Variants in COL22A1 observed in about 807,000 individuals in gnomAD.
COL22A1 encodes the protein collagen type XXII alpha 1 chain, also known as collagen alpha-1(XXII) chain.
In COL22A1, 221 loss-of-function variants were observed where a neutral mutation model predicts 248.9. That is an observed-to-expected ratio of 0.89 (90% CI 0.80 to 0.99). The LOEUF (loss-of-function observed/expected upper bound fraction) is 0.99, where lower values mean the gene tolerates loss of function less well. COL22A1 is among the 50% of genes least tolerant of loss of function. COL22A1 has a pLI of 0.00. For missense variants in COL22A1, 2,240 were observed against 2,179.0 expected, an observed-to-expected ratio of 1.03 and a Z score of -0.56; for synonymous variants, 891 against 793.4, an observed-to-expected ratio of 1.12 and a Z score of -2.07.
rs370249392 is a variant in COL22A1 at position 138,804,311 on chromosome 8, GACC to G, written c.1495-1380_1495-1378del. Among the ~76,000 whole-genome samples the G allele has an allele frequency of 3.5e-3, 537 of 152,264 alleles. 7 individuals are homozygous for G. Among genetic ancestry groups the G allele is most frequent in the African/African-American group, 0.012 (496 of 41,558 alleles). On this transcript the variant is annotated intron_variant, in intron 10 of 64. Coordinates refer to ENST00000303045, the MANE Select transcript of COL22A1 (RefSeq NM_152888.3). ...GACAATGTGACGGATGACACTATAG[GACC>G]ACGATTGCAAGTGAGCTCTGCAGGA...
At chr8:138,623,260 T>A (rs113115877) in intron 52 of COL22A1, among the ~76,000 whole-genome samples, 641 of 52,412 alleles carry the variant, frequency 0.012, 4 homozygotes, top group South Asian at 0.1. Flanking sequence ...ATATATATAT[T>A]TATGTGTGTG....
intron 39 of COL22A1, among the ~76,000 whole-genome samples, chr8:138,682,161 C>T (rs1003614480): frequency 2.0e-5 from 3 of 152,148 alleles, no homozygotes; most frequent in African/African-American, 4.8e-5. Context: ...GGGGAAAAAA[C>T]ATCTCCTACT....
intron 16 of COL22A1, among the ~76,000 whole-genome samples, chr8:138,772,119 G>A (rs778082113): frequency 3.9e-5 from 6 of 152,014 alleles, no homozygotes; most frequent in Non-Finnish European, 5.9e-5. Flanking sequence ...CCCGCACATC[G>A]CCAAAAAGTC....
Position 138,633,951 on chromosome 8 carries a change from G to A in COL22A1, c.3609+1059C>T, listed in dbSNP as rs118107516. Reference sequence around the variant, plus strand: ...TAATATTAACATCAAAGGCGCTTGGGAGGAAAATGTGTTGAATATTAAAGA... The same window carrying A: ...TAATATTAACATCAAAGGCGCTTGGAAGGAAAATGTGTTGAATATTAAAGA... On this transcript the variant is annotated intron_variant, in intron 49 of 64. Coordinates refer to ENST00000303045, the MANE Select transcript of COL22A1 (RefSeq NM_152888.3). 5.1e-3 allele frequency among the ~76,000 whole-genome samples: 773 copies of A among 152,306 alleles called. 4 individuals carry two copies. The highest frequency in any genetic ancestry group is 7.9e-3 in the Non-Finnish European group (536 of 68,024).
At chr8:138,749,615 T>C (rs1233498985) in intron 22 of COL22A1, among the ~76,000 whole-genome samples, 1 of 152,214 alleles carries the variant, frequency 6.6e-6, no homozygotes, top group East Asian at 1.9e-4. Flanking sequence ...CTGAGCACTT[T>C]TTCTCCTAAC....
At chr8:138,876,928 GA>G (rs1823759288) in intron 3 of COL22A1, among the ~76,000 whole-genome samples, 1 of 152,262 alleles carries the variant, frequency 6.6e-6, no homozygotes, top group Non-Finnish European at 1.5e-5. Flanking sequence ...TGTGACTGGA[GA>G]AGGACAAATG....
intron 51 of COL22A1, among the ~76,000 whole-genome samples, chr8:138,625,326 C>CA (rs969986042): frequency 6.0e-5 from 9 of 149,848 alleles, no homozygotes; most frequent in African/African-American, 1.2e-4. Flanking sequence ...TTCTGGGAAT[C>CA]AAAAAAAAAT....
Position 138,857,880 on chromosome 8 carries a change from C to A in COL22A1, c.659-13722G>T, listed in dbSNP as rs73720632. Among the ~76,000 whole-genome samples, 1,465 of 152,304 alleles carry A rather than the reference C, an allele frequency of 9.6e-3. 22 individuals are homozygous for A. The highest frequency in any genetic ancestry group is 0.033 in the African/African-American group (1,368 of 41,568). ...TCCTCCCCGGGCACTTGGCCCAGTG[C>A]CTCCTTCCCATAAACCCAAACCCAT... On this transcript the variant is annotated intron_variant, in intron 3 of 64. Coordinates refer to ENST00000303045, the MANE Select transcript of COL22A1 (RefSeq NM_152888.3).
chr8:138,838,713 G>C (rs1820628324), intron 4 of COL22A1, among the ~76,000 whole-genome samples: 1 of 152,014 alleles, frequency 6.6e-6, no homozygotes, highest in Non-Finnish European at 1.5e-5. Context: ...ATAAGGGCTG[G>C]GAAGGAGAAT....
At chr8:138,750,241 C>A (rs1188508682) in intron 22 of COL22A1, among the ~76,000 whole-genome samples, 1 of 152,186 alleles carries the variant, frequency 6.6e-6, no homozygotes, top group Non-Finnish European at 1.5e-5. Flanking sequence ...TTATTAGCAG[C>A]GTGAGAACAG....
rs766709365 is a variant in COL22A1 at position 138,877,940 on chromosome 8, G to C, written c.468C>G (p.Asp156Glu). ...AILLTDGRSQ[D>E]LVLDAAAAAH... Reference sequence around the variant, plus strand: ...CTGCCGCCGCGGCGTCCAGCACCAGGTCCTGGCTGCGGCCGTCGGTGAGCA... The same window carrying C: ...CTGCCGCCGCGGCGTCCAGCACCAGCTCCTGGCTGCGGCCGTCGGTGAGCA... Residue 156 changes from aspartate (D) to glutamate (E), a missense_variant, in exon 3 of 65, where the codon GAC becomes GAG. Asp to Glu is a conservative substitution (Grantham distance 45). Coordinates refer to ENST00000303045, the MANE Select transcript of COL22A1 (RefSeq NM_152888.3). 18 of 1,603,014 alleles carry C rather than the reference G, an allele frequency of 1.1e-5. No individual in the cohort carries two copies. Among genetic ancestry groups the C allele is most frequent in the Admixed American group, 1.7e-5 (1 of 58,972 alleles).
rs1334480163 is a variant in COL22A1, at chr8:138,592,761, C to T, written c.4615+1256G>A. On this transcript the variant is annotated intron_variant, in intron 63 of 64. Transcript: ENST00000303045. ...GGTCGGACAGGAGTGAATTATGGGG[C>T]TGGTCTCCTGTCTTTTATCTTTATT... 3.9e-5 allele frequency among the ~76,000 whole-genome samples: 6 copies of T among 152,266 alleles called. No individual in the cohort carries two copies. The East Asian group carries it at 1.2e-3, about 29-fold the overall frequency.
chr8:138,725,678 A>C (rs568407136), intron 23 of COL22A1, among the ~76,000 whole-genome samples: 131 of 152,312 alleles, frequency 8.6e-4, no homozygotes, highest in African/African-American at 3.1e-3. Context: ...ATCGCCTGTA[A>C]TATTATCTAT....
chr8:138,623,321 C>T (rs1455476345), intron 52 of COL22A1, among the ~76,000 whole-genome samples: 4 of 150,068 alleles, frequency 2.7e-5, no homozygotes, highest in African/African-American at 9.9e-5. Context: ...CTGGAGCTAG[C>T]AGGTGCCACT....
intron 10 of COL22A1, among the ~76,000 whole-genome samples, chr8:138,805,624 T>A (rs1294277590): frequency 7.1e-6 from 1 of 141,640 alleles, no homozygotes. Flanking sequence ...TGTGTGAGGG[T>A]GTGTGTGTGT....
chr8:138,842,613 A>C (rs1343189815), intron 4 of COL22A1, among the ~76,000 whole-genome samples: 6 of 152,256 alleles, frequency 3.9e-5, no homozygotes, highest in African/African-American at 1.4e-4. Context: ...ACTGACCAGA[A>C]GGTTTACACC....
intron 44 of COL22A1, among the ~76,000 whole-genome samples, chr8:138,659,888 G>A (rs935377542): frequency 2.0e-5 from 3 of 152,220 alleles, no homozygotes; most frequent in Non-Finnish European, 4.4e-5. Flanking sequence ...ATGTTAAACA[G>A]ATGGCAACTG....
At position 138,778,366 on chromosome 8, in the gene COL22A1, C is replaced by CGTCCAGGAGGTCCGGGGA; in HGVS notation, c.1727_1744dup (p.Leu576_Gly581dup). ...GCCTTCACTTACAGGAGCTCCGACA[C>CGTCCAGGAGGTCCGGGGA]GTCCAGGAGGTCCGGGGAGTCCAGG... is the stretch of plus-strand genomic sequence containing the variant. On this transcript the variant is annotated inframe_insertion, in exon 15 of 65. Transcript: ENST00000303045. 1 of 1,613,692 alleles carries CGTCCAGGAGGTCCGGGGA rather than the reference C, an allele frequency of 6.2e-7. No individual in the cohort carries two copies. Among genetic ancestry groups the CGTCCAGGAGGTCCGGGGA allele is most frequent in the Non-Finnish European group, 8.5e-7 (1 of 1,179,804 alleles).
chr8:138,647,874 A>C (rs1822349777), intron 46 of COL22A1, among the ~76,000 whole-genome samples: 1 of 152,160 alleles, frequency 6.6e-6, no homozygotes, highest in African/African-American at 2.4e-5. Context: ...CATCTCCCTA[A>C]GTGATTTAGA....
Sources: gnomAD v4.1 joint callset for allele counts (sites outside exome capture counted in the v4.1 genomes callset) on GRCh38, gnomAD v4.1.1 for gene constraint, MANE v1.5 for transcripts, NCBI Gene and HGNC (gene_info 2026-07-23, HGNC 2026-07-21) for gene names.